Variants in MRPS7 observed in about 807,000 individuals in gnomAD.
The protein encoded by MRPS7 is mitochondrial ribosomal protein S7.
Under a neutral mutation model 26.2 loss-of-function variants are expected in MRPS7, and 13 were observed. The observed-to-expected ratio is 0.50, with a 90% CI of 0.32 to 0.79. The LOEUF (loss-of-function observed/expected upper bound fraction) is 0.79. Ranked by LOEUF, MRPS7 falls within the 30% of genes least tolerant of loss-of-function variation. The probability of loss-of-function intolerance (pLI) is 0.03; values close to 1 mark genes in which losing one functional copy is unlikely to be tolerated. For synonymous variants in MRPS7, 129 were observed against 113.3 expected (o/e 1.14, Z -0.88); for missense variants, 318 against 312.2 (o/e 1.02, Z -0.14).
intron 4 of MRPS7, chr17:75,264,279 G>A (rs956015446): frequency 6.6e-6 from 1 of 151,972 alleles, no homozygotes; most frequent in Admixed American, 6.6e-5. Flanking sequence ...AAGTATCTAA[G>A]TGACATCTGG....
chr17:75,262,640 C>G lies in MRPS7; in HGVS notation c.227C>G (p.Ala76Gly). 6.2e-7 allele frequency: 1 copy of G among 1,614,122 alleles called. No homozygotes were observed. The highest frequency in any genetic ancestry group is 8.5e-7 in the Non-Finnish European group (1 of 1,180,030). The change falls in exon 2 of 5, where the codon GCT becomes GGT. Residue 76 changes from alanine (A) to glycine (G), a missense_variant. Ala to Gly is a moderately conservative substitution (Grantham distance 60). Coordinates refer to ENST00000245539, the MANE Select transcript of MRPS7 (RefSeq NM_015971.4). ...RELKKTQLIK[A>G]APAGKTSSVF... The stretch of plus-strand genomic sequence containing the variant: ...CTCAAGAAGACTCAGCTCATCAAAG[C>G]TGCTCCAGCAGGGAAAACAAGTTCT...
intron 4 of MRPS7, 92 bp downstream of exon 4, chr17:75,263,599 C>T: frequency 6.6e-7 from 1 of 1,511,572 alleles, no homozygotes; most frequent in South Asian, 1.2e-5. Flanking sequence ...TGATAGCTTT[C>T]TAGCTGGTGC....
intron 2 of MRPS7, 49 bp from the exon 3 acceptor site, chr17:75,262,755 T>C (rs750916313): frequency 1.2e-6 from 2 of 1,613,868 alleles, no homozygotes; most frequent in Non-Finnish European, 1.7e-6. Context: ...TGGTGAGGAT[T>C]CTGTGATACA....
In MRPS7 at chr17:75,265,989, A is replaced by G; in HGVS notation, c.*66A>G. On this transcript the variant is annotated 3_prime_UTR_variant, in exon 5 of 5. Coordinates refer to ENST00000245539, the MANE Select transcript of MRPS7 (RefSeq NM_015971.4). ...AGTGTGAGCTACTGCCACGCTGAAA[A>G]CTACCTGTGGGTTAAGGATGTAGTT... is the stretch of plus-strand genomic sequence containing the variant. The G allele has an allele frequency of 6.8e-7, 1 of 1,474,310 alleles. No homozygotes were observed. Among genetic ancestry groups the G allele is most frequent in the Non-Finnish European group, 9.4e-7 (1 of 1,066,556 alleles). The allele number at this position is 1,474,310 out of a possible 1,614,324, so 91.3% of individuals were successfully genotyped here.
At position 75,263,421 on chromosome 17, in the gene MRPS7, C is replaced by G. The variant is rs1324960926; in HGVS notation, c.421C>G (p.Pro141Ala). ...GGAACAGGCAACCATCGAACGCAACCCCTACACCATCTTCCATCAAGCACT... is the reference window on the plus strand; with the variant it reads ...GGAACAGGCAACCATCGAACGCAACGCCTACACCATCTTCCATCAAGCACT... ...AEEQATIERNPYTIFHQALKN... is the reference protein window; with the variant it reads ...AEEQATIERNAYTIFHQALKN... Residue 141 changes from proline (P) to alanine (A), a missense_variant, in exon 4 of 5, where the codon CCC becomes GCC. Pro to Ala is a conservative substitution (Grantham distance 27). Coordinates refer to ENST00000245539, the MANE Select transcript of MRPS7 (RefSeq NM_015971.4). 1 of 1,614,080 alleles carries G rather than the reference C, an allele frequency of 6.2e-7. No individual in the cohort carries two copies. The highest frequency in any genetic ancestry group is 8.5e-7 in the Non-Finnish European group (1 of 1,180,016).
intron 4 of MRPS7, 70 bp downstream of exon 4, chr17:75,263,577 T>G (rs2077443362): frequency 6.3e-7 from 1 of 1,589,078 alleles, no homozygotes; most frequent in Non-Finnish European, 8.6e-7. Flanking sequence ...TGCTTGGGAG[T>G]TGGGTCAAGA....
chr17:75,262,269 A>G, intron 1 of MRPS7: 1 of 645,968 alleles, frequency 1.5e-6, no homozygotes, highest in Non-Finnish European at 2.7e-6. Flanking sequence ...GTAGGCGCCA[A>G]GCCCATCCTT....
intron 4 of MRPS7, chr17:75,263,882 G>GGAA (rs748298575): frequency 3.1e-5 from 3 of 97,828 alleles, no homozygotes; most frequent in Admixed American, 1.3e-4. Context: ...CCTTGTCTCA[G>GGAA]AAAAAAAAAA....
In MRPS7 at chr17:75,266,012, G is replaced by A; in HGVS notation, c.*89G>A. 1 of 1,261,300 alleles carries A rather than the reference G, an allele frequency of 7.9e-7. No individual in the cohort carries two copies. Among genetic ancestry groups the A allele is most frequent in the Non-Finnish European group, 1.1e-6 (1 of 889,820 alleles). 78.1% of individuals were successfully genotyped at this position (1,261,300 alleles called of 1,614,324 possible). On this transcript the variant is annotated 3_prime_UTR_variant, in exon 5 of 5. Coordinates refer to ENST00000245539, the MANE Select transcript of MRPS7 (RefSeq NM_015971.4). ...AAACTACCTGTGGGTTAAGGATGTA[G>A]TTCCTTTGTAAGGGTGGGCAGGCCT...
At chr17:75,264,809 C>T (rs1293657017) in intron 4 of MRPS7, among the ~76,000 whole-genome samples, 1 of 151,674 alleles carries the variant, frequency 6.6e-6, no homozygotes, top group Non-Finnish European at 1.5e-5. Context: ...TCCCTGCCCA[C>T]CCCAAGTAGC....
chr17:75,263,530 A>G, intron 4 of MRPS7, 23 bp downstream of exon 4: 4 of 1,613,558 alleles, frequency 2.5e-6, no homozygotes, highest in East Asian at 2.2e-5. Flanking sequence ...CCAGGGCAAG[A>G]AAGCAGGGCC....
intron 3 of MRPS7, 109 bp downstream of exon 3, chr17:75,262,976 T>G: frequency 9.0e-7 from 1 of 1,114,364 alleles, no homozygotes; most frequent in Non-Finnish European, 1.3e-6. Context: ...GTATCTATTA[T>G]TCAGATTAAC....
At position 75,262,599 on chromosome 17, in the gene MRPS7, G is replaced by T. The variant is rs1190170328; in HGVS notation, c.186G>T (p.Glu62Asp). The T allele has an allele frequency of 1.2e-6, 2 of 1,614,154 alleles. No homozygotes were observed. Among genetic ancestry groups the T allele is most frequent in the Admixed American group, 1.7e-5 (1 of 60,024 alleles). Residue 62 changes from glutamate to aspartate, a missense_variant, in exon 2 of 5, where the codon GAG becomes GAT. Coordinates refer to ENST00000245539, the MANE Select transcript of MRPS7 (RefSeq NM_015971.4). ...RKPVEELTEE[E>D]KYVRELKKTQ... ...CAGTGGAGGAGCTAACTGAGGAGGAGAAATATGTTCGGGAGCTCAAGAAGA... is the reference window on the plus strand; with the variant it reads ...CAGTGGAGGAGCTAACTGAGGAGGATAAATATGTTCGGGAGCTCAAGAAGA...
intron 1 of MRPS7, chr17:75,262,206 C>T: frequency 1.5e-6 from 1 of 655,864 alleles, no homozygotes; most frequent in South Asian, 2.0e-5. Flanking sequence ...GCTGAAAGTG[C>T]GGTTCAGCTA....
chr17:75,262,825 GAT>G lies in MRPS7; in HGVS notation c.299_300del (p.Ile100ArgfsTer24). On this transcript the variant is annotated frameshift_variant, in exon 3 of 5. Transcript: ENST00000245539. LOFTEE classifies it high-confidence loss of function. Reference protein sequence around the residue: ...VISKFTNMMMIGGNKVLARSL... With the variant: ...VISKFTNMMMXGGNKVLARSL... ...GAAGTAAATTCACCAACATGATGATGATAGGAGGAAACAAAGTACTGGCCAGA... is the reference window on the plus strand; with the variant it reads ...GAAGTAAATTCACCAACATGATGATGAGGAGGAAACAAAGTACTGGCCAGA... 1 of 1,614,166 alleles carries G rather than the reference GAT, an allele frequency of 6.2e-7. No homozygotes were observed. Among genetic ancestry groups the G allele is most frequent in the Non-Finnish European group, 8.5e-7 (1 of 1,180,024 alleles).
chr17:75,264,501 T>G (rs1350526951), intron 4 of MRPS7: 1 of 152,250 alleles, frequency 6.6e-6, no homozygotes, highest in East Asian at 1.9e-4. Flanking sequence ...TGAGTTTTCT[T>G]GTGTTCTCCT....
intron 1 of MRPS7, 62 bp downstream of exon 1, chr17:75,262,045 G>T: frequency 6.4e-7 from 1 of 1,571,566 alleles, no homozygotes; most frequent in Non-Finnish European, 8.6e-7. Context: ...CCACAGGCAG[G>T]CCGCGTGGGC....
Position 75,262,570 on chromosome 17 carries a change from A to G in MRPS7, c.157A>G (p.Lys53Glu). ...DPLIDKEYYR[K>E]PVEELTEEEK... ...CTTGATTGACAAGGAATATTATCGC[A>G]AGCCAGTGGAGGAGCTAACTGAGGA... Residue 53 changes from lysine to glutamate, a missense_variant, in exon 2 of 5, where the codon AAG becomes GAG. Physicochemically the swap from Lys to Glu is moderately conservative, Grantham distance 56. Transcript: ENST00000245539. 8.1e-6 allele frequency: 13 copies of G among 1,614,150 alleles called. No individual in the cohort carries two copies. Among genetic ancestry groups the G allele is most frequent in the Non-Finnish European group, 1.1e-5 (13 of 1,180,040 alleles).
chr17:75,262,019 C>G (rs761128686), intron 1 of MRPS7, 36 bp downstream of exon 1: 2 of 1,598,984 alleles, frequency 1.3e-6, no homozygotes, highest in Admixed American at 3.3e-5. Context: ...GGGGGCGCTG[C>G]GAGGAAGGAA....
Sources: allele counts gnomAD v4.1 joint callset (sites outside exome capture counted in the v4.1 genomes callset), GRCh38; gene constraint gnomAD v4.1.1; transcripts MANE v1.5; gene names NCBI Gene and HGNC (gene_info 2026-07-23, HGNC 2026-07-21).